Variants in SENP7 observed in about 807,000 individuals in gnomAD.
SENP7 encodes the protein SUMO specific peptidase 7.
A neutral mutation model predicts 141.2 loss-of-function variants in SENP7; 64 were observed. The ratio of observed to expected loss-of-function variants is 0.45; its 90% confidence interval spans 0.37 to 0.56. The LOEUF (loss-of-function observed/expected upper bound fraction) is 0.56. Among genes scored for constraint, SENP7 ranks in the 20% least tolerant of loss-of-function variants. SENP7 has a pLI of 0.00. For missense variants in SENP7, 1,025 were observed against 1,212.2 expected (o/e 0.85, Z 2.29); for synonymous variants, 382 against 426.4 (o/e 0.90, Z 1.28).
chr3:101,365,714 A>C (rs1483021829), intron 9 of SENP7, among the ~76,000 whole-genome samples: 4 of 152,086 alleles, frequency 2.6e-5, no homozygotes, highest in Non-Finnish European at 5.9e-5. Flanking sequence ...GAATCATCTA[A>C]ATTTATTCAA....
At chr3:101,435,156 T>C (rs1211546912) in intron 4 of SENP7, among the ~76,000 whole-genome samples, 6 of 151,996 alleles carry the variant, frequency 3.9e-5, no homozygotes, top group Non-Finnish European at 7.4e-5. Flanking sequence ...ATCAACAGAA[T>C]GAAGGATAAA....
chr3:101,440,442 C>A (rs1391200591), intron 4 of SENP7, among the ~76,000 whole-genome samples: 1 of 115,250 alleles, frequency 8.7e-6, no homozygotes, highest in African/African-American at 3.5e-5. Context: ...TGCGGAAGGC[C>A]GCAGGGTCCT....
At chr3:101,415,978 T>C (rs1307181458) in intron 5 of SENP7, among the ~76,000 whole-genome samples, 1 of 151,754 alleles carries the variant, frequency 6.6e-6, no homozygotes, top group Non-Finnish European at 1.5e-5. Flanking sequence ...GTTAAATGAC[T>C]GGATATAAGG....
In SENP7 at chr3:101,367,837, T is replaced by C. The variant is rs376577672; in HGVS notation, c.971A>G (p.Glu324Gly). ...CTAAATACCTCTACTTACTGTCTGT[T>C]CTGTTGACTTATCCAAAGAAGTACA... ...QYCTSLDKST[E>G]QTKKQEDDST... The change falls in exon 8 of 24, where the codon GAA becomes GGA. Residue 324 changes from glutamate (E) to glycine (G), a missense_variant. Transcript: ENST00000394095. 13 of 1,586,336 alleles carry C rather than the reference T, an allele frequency of 8.2e-6. No homozygotes were observed. Among genetic ancestry groups the C allele is most frequent in the African/African-American group, 4.0e-5 (3 of 74,092 alleles).
chr3:101,430,522 T>C (rs1483077603), intron 4 of SENP7, among the ~76,000 whole-genome samples: 9 of 152,232 alleles, frequency 5.9e-5, no homozygotes, highest in Admixed American at 3.9e-4. Context: ...TTCTGTGGGA[T>C]CGGTGGTGAT....
At chr3:101,400,908 A>G (rs2061118501) in intron 5 of SENP7, among the ~76,000 whole-genome samples, 1 of 151,934 alleles carries the variant, frequency 6.6e-6, no homozygotes, top group Non-Finnish European at 1.5e-5. Flanking sequence ...CAGCCTGGGA[A>G]ACACGGCAAG....
chr3:101,336,577 TG>T lies in SENP7; in HGVS notation c.2480+931del, dbSNP rs1371001253. Among the ~76,000 whole-genome samples, 10 of 152,308 alleles carry T rather than the reference TG, an allele frequency of 6.6e-5. No individual in the cohort carries two copies. The East Asian group carries it at 1.9e-3, about 29-fold the overall frequency. On this transcript the variant is annotated intron_variant, in intron 17 of 23. Transcript: ENST00000394095. ...TATGCCCTATCAAAAGGTACTGTCA[TG>T]ATAGGAAAAACTGAAATAATGTCAA... is the stretch of plus-strand genomic sequence containing the variant.
chr3:101,440,747 G>A (rs909968322), intron 4 of SENP7, among the ~76,000 whole-genome samples: 9 of 151,940 alleles, frequency 5.9e-5, no homozygotes, highest in African/African-American at 1.2e-4. Flanking sequence ...TCTCCCTCTC[G>A]TATACAAACA....
chr3:101,494,036 AC>A (rs1249784173), intron 2 of SENP7, 68 bp from the exon 3 acceptor site: 1 of 924,320 alleles, frequency 1.1e-6, no homozygotes, highest in Non-Finnish European at 1.8e-6. Context: ...AGCTAACAGA[AC>A]CACTATACTA....
intron 2 of SENP7, among the ~76,000 whole-genome samples, chr3:101,496,993 AT>A (rs2065183777): frequency 6.6e-6 from 1 of 152,266 alleles, no homozygotes; most frequent in African/African-American, 2.4e-5. Flanking sequence ...AGGCAGTAAT[AT>A]AAACTACTAA....
intron 7 of SENP7, among the ~76,000 whole-genome samples, chr3:101,369,757 T>C (rs2682387): frequency 0.91 from 137,924 of 152,150 alleles, 62,626 homozygotes; most frequent in East Asian, 1. Context: ...ATTATTTGCA[T>C]ATCAGTCAAG....
intron 5 of SENP7, among the ~76,000 whole-genome samples, chr3:101,411,764 C>T (rs1434702235): frequency 6.6e-6 from 1 of 152,122 alleles, no homozygotes; most frequent in East Asian, 1.9e-4. Context: ...CACATTTACC[C>T]AATTTTTTCC....
chr3:101,451,797 T>C (rs539762383), intron 4 of SENP7, among the ~76,000 whole-genome samples: 39 of 152,288 alleles, frequency 2.6e-4, no homozygotes, highest in Non-Finnish European at 2.9e-5. Flanking sequence ...CTTTGAAAAC[T>C]GGCACAAGAC....
chr3:101,465,996 G>A (rs1396955299), intron 3 of SENP7, among the ~76,000 whole-genome samples: 2 of 151,992 alleles, frequency 1.3e-5, no homozygotes, highest in African/African-American at 4.8e-5. Context: ...ATAAAATACA[G>A]TTGAGAGCCT....
intron 4 of SENP7, among the ~76,000 whole-genome samples, chr3:101,430,640 C>T (rs748193505): frequency 3.3e-5 from 5 of 152,190 alleles, no homozygotes; most frequent in Non-Finnish European, 5.9e-5. Context: ...AAAAAACCAG[C>T]TCCTGGATTC....
At chr3:101,385,173 GTATA>G (rs901469563) in intron 6 of SENP7, among the ~76,000 whole-genome samples, 1 of 151,740 alleles carries the variant, frequency 6.6e-6, no homozygotes, top group Non-Finnish European at 1.5e-5. Context: ...TATATATACA[GTATA>G]TATATATGTG....
chr3:101,472,520 A>C (rs2064043488), intron 3 of SENP7, among the ~76,000 whole-genome samples: 1 of 151,946 alleles, frequency 6.6e-6, no homozygotes. Flanking sequence ...GAGCTGGGGG[A>C]GGGATAGCAT....
chr3:101,438,842 C>G (rs371419456), intron 4 of SENP7, among the ~76,000 whole-genome samples: 2 of 151,920 alleles, frequency 1.3e-5, no homozygotes, highest in South Asian at 2.1e-4. Context: ...GAGCGCCGCC[C>G]GGGAGGCAGC....
intron 4 of SENP7, among the ~76,000 whole-genome samples, chr3:101,427,463 T>C (rs549029852): frequency 1.1e-4 from 16 of 142,206 alleles, no homozygotes; most frequent in Middle Eastern, 3.7e-3. Flanking sequence ...GAACTCCAGG[T>C]TGGGTGACAG....
Sources: gnomAD v4.1 joint callset for allele counts (sites outside exome capture counted in the v4.1 genomes callset) on GRCh38, gnomAD v4.1.1 for gene constraint, MANE v1.5 for transcripts, NCBI Gene and HGNC (gene_info 2026-07-23, HGNC 2026-07-21) for gene names.